Variants in PCDH15 observed in about 807,000 individuals in gnomAD.
PCDH15 encodes the protein protocadherin related 15.
In PCDH15, 129 loss-of-function variants were observed where a neutral mutation model predicts 178.5. The ratio of observed to expected loss-of-function variants is 0.72; its 90% CI spans 0.63 to 0.84. The LOEUF is 0.84. Among genes scored for constraint, PCDH15 ranks in the 40% least tolerant of loss-of-function variants. PCDH15 has a pLI of 0.00. For synonymous variants in PCDH15, 800 were observed against 732.0 expected (o/e 1.09, Z -1.50); for missense variants, 2,230 against 2,099.9 (o/e 1.06, Z -1.21).
intron 2 of PCDH15, among the ~76,000 whole-genome samples, chr10:54,998,273 T>A (rs1248592948): frequency 1.3e-5 from 2 of 152,038 alleles, no homozygotes; most frequent in African/African-American, 4.8e-5. Flanking sequence ...AAGTCATAAA[T>A]TTTTTTTCCT....
chr10:55,604,616 G>A (rs1367726409), intron 2 of PCDH15, among the ~76,000 whole-genome samples: 1 of 148,808 alleles, frequency 6.7e-6, no homozygotes, highest in Non-Finnish European at 1.5e-5. Flanking sequence ...CAACTACATG[G>A]AAACTGAACA....
intron 1 of PCDH15, among the ~76,000 whole-genome samples, chr10:55,227,222 CA>C (rs568618858): frequency 3.9e-5 from 6 of 151,904 alleles, no homozygotes; most frequent in Non-Finnish European, 5.9e-5. Flanking sequence ...GCCTTCTCGA[CA>C]AAAAAACTGA....
At chr10:54,331,058 G>A (rs1272702968) in intron 6 of PCDH15, among the ~76,000 whole-genome samples, 1 of 151,716 alleles carries the variant, frequency 6.6e-6, no homozygotes, top group Non-Finnish European at 1.5e-5. Flanking sequence ...AAAAAACTGT[G>A]TATGTGAGAG....
intron 25 of PCDH15, among the ~76,000 whole-genome samples, chr10:53,927,444 G>T (rs994417180): frequency 2.6e-5 from 4 of 152,000 alleles, no homozygotes; most frequent in Non-Finnish European, 4.4e-5. Context: ...TCACTGTGAA[G>T]AATTATAAAA....
At chr10:54,483,946 G>C (rs1159703273) in intron 3 of PCDH15, among the ~76,000 whole-genome samples, 1 of 151,860 alleles carries the variant, frequency 6.6e-6, no homozygotes, top group Non-Finnish European at 1.5e-5. Context: ...ACTTGAGTTT[G>C]ACACATTTTT....
chr10:54,950,746 C>T (rs1298017774), intron 2 of PCDH15, among the ~76,000 whole-genome samples: 1 of 151,954 alleles, frequency 6.6e-6, no homozygotes, highest in Non-Finnish European at 1.5e-5. Flanking sequence ...TCCTATGATT[C>T]ATTGACCTCT....
chr10:53,889,951 C>T (rs192911936), intron 26 of PCDH15, among the ~76,000 whole-genome samples: 79 of 152,246 alleles, frequency 5.2e-4, no homozygotes, highest in African/African-American at 1.9e-3. Flanking sequence ...GGAAGTCATA[C>T]TAGTTATTCT....
At chr10:54,149,812 T>TAGACTAG (rs1322514950) in intron 14 of PCDH15, among the ~76,000 whole-genome samples, 5 of 152,156 alleles carry the variant, frequency 3.3e-5, no homozygotes, top group Admixed American at 3.3e-4. Context: ...TTCAACACTC[T>TAGACTAG]AGACTAGAGA....
At chr10:54,484,698 A>G (rs1033068570) in intron 3 of PCDH15, among the ~76,000 whole-genome samples, 2 of 151,934 alleles carry the variant, frequency 1.3e-5, no homozygotes, top group Non-Finnish European at 2.9e-5. Flanking sequence ...TGAATTTAAA[A>G]TCAATAAAAA....
chr10:54,950,286 G>A (rs1304724939), intron 2 of PCDH15, among the ~76,000 whole-genome samples: 1 of 151,946 alleles, frequency 6.6e-6, no homozygotes, highest in Non-Finnish European at 1.5e-5. Context: ...AATTGAAATG[G>A]TTTGGCTCTG....
intron 13 of PCDH15, among the ~76,000 whole-genome samples, chr10:54,181,665 A>G (rs1471834942): frequency 6.6e-6 from 1 of 152,184 alleles, no homozygotes; most frequent in East Asian, 1.9e-4. Flanking sequence ...AACTAGTTAC[A>G]GTTTTGCCCT....
intron 2 of PCDH15, among the ~76,000 whole-genome samples, chr10:54,586,186 T>C (rs1292698806): frequency 6.6e-6 from 1 of 152,100 alleles, no homozygotes; most frequent in East Asian, 1.9e-4. Context: ...GAAAGTGGAG[T>C]AAATTTTTAA....
chr10:55,328,243 T>C (rs1398317619), intron 2 of PCDH15, among the ~76,000 whole-genome samples: 1 of 151,772 alleles, frequency 6.6e-6, no homozygotes, highest in African/African-American at 2.4e-5. Context: ...TATATATATA[T>C]AGAAATACAG....
intron 2 of PCDH15, among the ~76,000 whole-genome samples, chr10:55,325,539 CCTTA>C (rs1252773187): frequency 2.6e-5 from 4 of 152,152 alleles, no homozygotes; most frequent in Admixed American, 2.0e-4. Context: ...AAACTGGACC[CCTTA>C]CTTACACCGT....
chr10:54,678,023 TA>T lies in PCDH15; in HGVS notation c.-28-13734del, dbSNP rs141435479. On this transcript the variant is annotated intron_variant, in intron 1 of 37. Transcript: ENST00000644397. ...ATCACAGTAATATATGCACTCACCATAAAGATAATGTACCAGGATGCTGAGG... is the reference window on the plus strand; with the variant it reads ...ATCACAGTAATATATGCACTCACCATAAGATAATGTACCAGGATGCTGAGG... Among the ~76,000 whole-genome samples the T allele has an allele frequency of 5.3e-3, 801 of 152,292 alleles. 15 individuals are homozygous for T. Among genetic ancestry groups the T allele is most frequent in the African/African-American group, 0.019 (778 of 41,564 alleles).
chr10:53,862,307 T>TC (rs1395233563), intron 27 of PCDH15, among the ~76,000 whole-genome samples: 1 of 152,120 alleles, frequency 6.6e-6, no homozygotes, highest in African/African-American at 2.4e-5. Flanking sequence ...TGCCTGAGCC[T>TC]CCCAAAGTGC....
At chr10:54,873,650 G>T (rs1194009540) in intron 3 of PCDH15, among the ~76,000 whole-genome samples, 3 of 145,754 alleles carry the variant, frequency 2.1e-5, no homozygotes, top group Non-Finnish European at 4.5e-5. Flanking sequence ...AAATTACCTT[G>T]AGGTGATAGT....
intron 8 of PCDH15, among the ~76,000 whole-genome samples, chr10:54,305,016 C>T (rs2060378808): frequency 6.6e-6 from 1 of 151,900 alleles, no homozygotes; most frequent in Non-Finnish European, 1.5e-5. Context: ...TCATAAAGCC[C>T]AACACTTATA....
chr10:54,635,972 C>A (rs1364622541), intron 2 of PCDH15, among the ~76,000 whole-genome samples: 1 of 151,030 alleles, frequency 6.6e-6, no homozygotes, highest in Non-Finnish European at 1.5e-5. Context: ...TAATGACTAA[C>A]CTCTCTCAAA....
Sources: allele counts gnomAD v4.1 joint callset (sites outside exome capture counted in the v4.1 genomes callset), GRCh38; gene constraint gnomAD v4.1.1; transcripts MANE v1.5; gene names NCBI Gene and HGNC (gene_info 2026-07-23, HGNC 2026-07-21).